Variants in LUZP2 observed in about 807,000 individuals in gnomAD.
The protein encoded by LUZP2 is leucine zipper protein 2.
Under a neutral mutation model 51.6 loss-of-function variants are expected in LUZP2, and 52 were observed. That is an observed-to-expected ratio of 1.01 (90% confidence interval 0.81 to 1.27). The LOEUF (loss-of-function observed/expected upper bound fraction) is 1.27. Among genes scored for constraint, LUZP2 ranks in the 50% most tolerant of loss-of-function variants. LUZP2 has a pLI of 0.00. For synonymous variants in LUZP2, 154 were observed against 137.3 expected (o/e 1.12, Z -0.85); for missense variants, 436 against 395.4 (o/e 1.10, Z -0.87).
At chr11:24,585,201 T>A (rs1224776701) in intron 1 of LUZP2, among the ~76,000 whole-genome samples, 1 of 152,044 alleles carries the variant, frequency 6.6e-6, no homozygotes, top group Non-Finnish European at 1.5e-5. Flanking sequence ...ATGTGCCTCT[T>A]TCCCTGCCTC....
intron 1 of LUZP2, among the ~76,000 whole-genome samples, chr11:24,554,536 T>G (rs1030925533): frequency 6.6e-6 from 1 of 151,974 alleles, no homozygotes; most frequent in African/African-American, 2.4e-5. Context: ...CCTTTGAAAA[T>G]AATGCGTAAT....
intron 5 of LUZP2, among the ~76,000 whole-genome samples, chr11:24,871,105 A>T (rs1426451904): frequency 6.6e-6 from 1 of 152,116 alleles, no homozygotes; most frequent in African/African-American, 2.4e-5. Context: ...AATATTTCAA[A>T]TATATTGTAA....
chr11:24,664,883 G>GGGCAGT (rs1428521683), intron 1 of LUZP2, among the ~76,000 whole-genome samples: 7 of 152,244 alleles, frequency 4.6e-5, no homozygotes, highest in Middle Eastern at 3.4e-3. Context: ...ACCTCTAGTA[G>GGGCAGT]GGCAGTGCAG....
intron 1 of LUZP2, among the ~76,000 whole-genome samples, chr11:24,706,924 A>G (rs1258524330): frequency 6.6e-6 from 1 of 151,554 alleles, no homozygotes; most frequent in Non-Finnish European, 1.5e-5. Flanking sequence ...TTAAAGCACC[A>G]TTTGTTTCTA....
intron 5 of LUZP2, among the ~76,000 whole-genome samples, chr11:24,901,452 A>G (rs1853280545): frequency 6.6e-6 from 1 of 152,194 alleles, no homozygotes; most frequent in African/African-American, 2.4e-5. Context: ...ATATACACCA[A>G]AACTATAAAA....
intron 1 of LUZP2, among the ~76,000 whole-genome samples, chr11:24,603,312 G>A (rs1054672588): frequency 1.3e-5 from 2 of 151,770 alleles, no homozygotes; most frequent in East Asian, 3.9e-4. Flanking sequence ...GACCCAAAAA[G>A]GCTCAGCTTG....
intron 9 of LUZP2, among the ~76,000 whole-genome samples, chr11:25,030,982 A>AATAT (rs1565255097): frequency 2.0e-3 from 4 of 2,008 alleles, no homozygotes; most frequent in African/African-American, 0.015. Flanking sequence ...ATATATATAT[A>AATAT]ATACAATATA....
chr11:24,636,921 TA>T (rs1218960200), intron 1 of LUZP2, among the ~76,000 whole-genome samples: 4 of 149,832 alleles, frequency 2.7e-5, no homozygotes, highest in African/African-American at 7.6e-5. Flanking sequence ...TTTTTGCTTA[TA>T]AAAAAAGATG....
At chr11:24,730,294 G>A (rs968039698) in intron 2 of LUZP2, among the ~76,000 whole-genome samples, 1 of 151,728 alleles carries the variant, frequency 6.6e-6, no homozygotes, top group African/African-American at 2.4e-5. Flanking sequence ...TTAGAGAAAA[G>A]TTAACAAACT....
intron 5 of LUZP2, among the ~76,000 whole-genome samples, chr11:24,848,087 C>T (rs749117556): frequency 9.2e-5 from 14 of 152,118 alleles, no homozygotes; most frequent in African/African-American, 3.4e-4. Context: ...GTGCTCATTG[C>T]TACTGGGTGT....
chr11:25,026,016 G>T (rs2404021), intron 9 of LUZP2, among the ~76,000 whole-genome samples: 71,552 of 151,652 alleles, frequency 0.47, 17,357 homozygotes, highest in Non-Finnish European at 0.51. Context: ...GCTGGAAGCC[G>T]TCATTCTGAC....
chr11:24,808,660 C>G (rs1849922771), intron 5 of LUZP2, among the ~76,000 whole-genome samples: 1 of 152,104 alleles, frequency 6.6e-6, no homozygotes, highest in South Asian at 2.1e-4. Context: ...AATTGTGAAA[C>G]TTAATTGTGC....
chr11:24,521,952 A>G (rs1660249952), intron 1 of LUZP2, among the ~76,000 whole-genome samples: 1 of 151,734 alleles, frequency 6.6e-6, no homozygotes, highest in Non-Finnish European at 1.5e-5. Flanking sequence ...AATCCTGGAA[A>G]TATATATATA....
intron 9 of LUZP2, among the ~76,000 whole-genome samples, chr11:25,007,138 C>G (rs949333523): frequency 6.6e-6 from 1 of 152,168 alleles, no homozygotes; most frequent in Non-Finnish European, 1.5e-5. Context: ...TTTAGCTAGA[C>G]ACAGAGCACT....
chr11:24,615,837 A>T (rs926963267), intron 1 of LUZP2, among the ~76,000 whole-genome samples: 5 of 150,256 alleles, frequency 3.3e-5, no homozygotes, highest in African/African-American at 1.2e-4. Context: ...TATATATATT[A>T]TATATATAAT....
intron 9 of LUZP2, among the ~76,000 whole-genome samples, chr11:25,030,912 ATTG>A (rs375165480): frequency 5.5e-5 from 1 of 18,286 alleles, no homozygotes; most frequent in Non-Finnish European, 9.4e-5. Context: ...TATAATATAT[ATTG>A]TATTATATAT....
At chr11:24,803,159 T>G (rs1029017556) in intron 5 of LUZP2, among the ~76,000 whole-genome samples, 1 of 151,958 alleles carries the variant, frequency 6.6e-6, no homozygotes, top group Non-Finnish European at 1.5e-5. Flanking sequence ...TAAAGAACTC[T>G]CTAAAACTCA....
intron 7 of LUZP2, among the ~76,000 whole-genome samples, chr11:24,933,365 A>G (rs556789178): frequency 9.8e-5 from 15 of 152,294 alleles, no homozygotes; most frequent in Admixed American, 2.0e-4. Flanking sequence ...CTGGAATCTC[A>G]AAGTATTGAA....
intron 5 of LUZP2, among the ~76,000 whole-genome samples, chr11:24,788,755 A>G (rs1219187765): frequency 6.6e-6 from 1 of 152,120 alleles, no homozygotes; most frequent in African/African-American, 2.4e-5. Context: ...CCCAGAGAAA[A>G]GCTAATACTG....
Sources: allele counts gnomAD v4.1 joint callset (sites outside exome capture counted in the v4.1 genomes callset), GRCh38; gene constraint gnomAD v4.1.1; transcripts MANE v1.5; gene names NCBI Gene and HGNC (gene_info 2026-07-23, HGNC 2026-07-21).